PALM2AKAP2: variants seen among roughly 807,000 people sequenced by gnomAD.
PALM2AKAP2 encodes the protein PALM2 and AKAP2 fusion.
PALM2AKAP2 carries 37 observed loss-of-function variants against 71.5 expected under a neutral mutation model. The ratio of observed to expected loss-of-function variants is 0.52; its 90% confidence interval spans 0.40 to 0.68. The LOEUF is 0.68. Among genes scored for constraint, PALM2AKAP2 ranks in the 30% least tolerant of loss-of-function variants. The pLI, the probability that PALM2AKAP2 is intolerant of heterozygous loss-of-function variation, is 0.00. For synonymous variants in PALM2AKAP2, 468 were observed against 478.8 expected (o/e 0.98, Z 0.29); for missense variants, 1,224 against 1,191.8 (o/e 1.03, Z -0.40).
chr9:110,172,086 C>G (rs1229736229), exon 4 of PALM2AKAP2: 1 of 152,502 alleles, frequency 6.6e-6, no homozygotes, highest in Admixed American at 6.5e-5. Flanking sequence ...ACAAGGAACA[C>G]TAAAACAGTG....
intron 1 of PALM2AKAP2, among the ~76,000 whole-genome samples, chr9:109,686,653 T>C (rs1827809315): frequency 6.6e-6 from 1 of 152,152 alleles, no homozygotes; most frequent in African/African-American, 2.4e-5. Context: ...TTTACTTTTA[T>C]TTTTTAGAGC....
chr9:109,999,701 C>T lies in PALM2AKAP2; in HGVS notation c.497-16253C>T, dbSNP rs148224438. 1.8e-3 allele frequency among the ~76,000 whole-genome samples: 279 copies of T among 152,352 alleles called. 1 individual carries two copies. The highest frequency in any genetic ancestry group is 6.8e-3 in the Middle Eastern group (2 of 294). On this transcript the variant is annotated intron_variant, in intron 6 of 9. Transcript: ENST00000302798. ...GGAGAACGGCCCGCTGAAGCAGCATCGACCAGGAAGCACCATGAGACACAT... is the reference window on the plus strand; with the variant it reads ...GGAGAACGGCCCGCTGAAGCAGCATTGACCAGGAAGCACCATGAGACACAT...
chr9:110,129,367 T>G (rs1034096148), intron 1 of PALM2AKAP2, among the ~76,000 whole-genome samples: 2 of 152,232 alleles, frequency 1.3e-5, no homozygotes, highest in Admixed American at 1.3e-4. Context: ...TCTTACCATT[T>G]CCCATGTCAT....
intron 1 of PALM2AKAP2, among the ~76,000 whole-genome samples, chr9:110,084,299 T>G (rs1834511217): frequency 6.6e-6 from 1 of 152,204 alleles, no homozygotes; most frequent in African/African-American, 2.4e-5. Flanking sequence ...AATACTGATC[T>G]TCAAAAGTTT....
intron 7 of PALM2AKAP2, among the ~76,000 whole-genome samples, chr9:110,020,085 A>G (rs1056084968): frequency 6.6e-6 from 1 of 152,208 alleles, no homozygotes; most frequent in African/African-American, 2.4e-5. Context: ...TCCTTGCAAT[A>G]TCAGCTATTC....
At chr9:109,834,913 A>T (rs1398625426) in intron 1 of PALM2AKAP2, among the ~76,000 whole-genome samples, 1 of 152,030 alleles carries the variant, frequency 6.6e-6, no homozygotes, top group Non-Finnish European at 1.5e-5. Flanking sequence ...CCCTTTAATC[A>T]TTTATTTTAG....
chr9:109,691,851 TATATATATATATATATAC>T (rs1230895391), intron 1 of PALM2AKAP2, among the ~76,000 whole-genome samples: 4 of 36,122 alleles, frequency 1.1e-4, no homozygotes, highest in Non-Finnish European at 1.6e-4. Context: ...TATATATATA[TATATATATATATATATAC>T]ACACACACAC....
intron 7 of PALM2AKAP2, among the ~76,000 whole-genome samples, chr9:110,040,216 G>A (rs1432091886): frequency 6.6e-6 from 1 of 152,226 alleles, no homozygotes; most frequent in Non-Finnish European, 1.5e-5. Context: ...CAATCCAACA[G>A]AGGCTTTTAA....
intron 7 of PALM2AKAP2, among the ~76,000 whole-genome samples, chr9:110,036,765 G>A (rs899605008): frequency 6.6e-6 from 1 of 152,052 alleles, no homozygotes; most frequent in Non-Finnish European, 1.5e-5. Flanking sequence ...TCCTTTCTCA[G>A]CTCTGAAGTC....
rs147757788 is a variant in PALM2AKAP2, at chr9:109,824,481, A to G, written c.46-43010A>G. On this transcript the variant is annotated intron_variant, in intron 1 of 9. Transcript: ENST00000302798. The stretch of plus-strand genomic sequence containing the variant: ...ATTTCTTCTTTCCAAAGTCTTGGCT[A>G]TCATTTGAGGAGCTGAGACAATAGG... Among the ~76,000 whole-genome samples the G allele has an allele frequency of 2.9e-4, 44 of 152,316 alleles. 1 individual carries two copies. The East Asian group carries it at 7.3e-3, about 25-fold the overall frequency.
intron 3 of PALM2AKAP2, among the ~76,000 whole-genome samples, chr9:109,922,903 C>T (rs934975674): frequency 2.6e-4 from 39 of 152,152 alleles, no homozygotes; most frequent in African/African-American, 8.4e-4. Context: ...CTGATCTCAT[C>T]GGTAAAATGG....
intron 1 of PALM2AKAP2, among the ~76,000 whole-genome samples, chr9:109,853,563 C>T (rs1199577350): frequency 6.6e-6 from 1 of 152,178 alleles, no homozygotes; most frequent in Non-Finnish European, 1.5e-5. Context: ...ACTTAAGTCT[C>T]TCTCTTTTTT....
chr9:109,805,572 C>G (rs1827550015), intron 1 of PALM2AKAP2, among the ~76,000 whole-genome samples: 1 of 152,114 alleles, frequency 6.6e-6, no homozygotes, highest in Non-Finnish European at 1.5e-5. Flanking sequence ...AAGTCCAAAA[C>G]CTGTGGCTAT....
intron 6 of PALM2AKAP2, among the ~76,000 whole-genome samples, chr9:109,940,177 A>C (rs1049678494): frequency 2.6e-5 from 4 of 152,192 alleles, no homozygotes; most frequent in Admixed American, 2.6e-4. Context: ...AGGTGCTGAC[A>C]GGGAGGGGGC....
At chr9:109,918,157 CTGATT>C (rs1339174581) in intron 3 of PALM2AKAP2, among the ~76,000 whole-genome samples, 1 of 152,190 alleles carries the variant, frequency 6.6e-6, no homozygotes, top group African/African-American at 2.4e-5. Flanking sequence ...GACACTGTGT[CTGATT>C]TATTTCTCCA....
chr9:109,735,091 G>A (rs1200869032), intron 1 of PALM2AKAP2, among the ~76,000 whole-genome samples: 1 of 151,500 alleles, frequency 6.6e-6, no homozygotes, highest in African/African-American at 2.4e-5. Flanking sequence ...CAAGGCAAAT[G>A]ATATCCTTAA....
Position 110,092,807 on chromosome 9 carries a change from T to C in PALM2AKAP2, c.157-43320T>C, listed in dbSNP as rs900098699. On this transcript the variant is annotated intron_variant, in intron 1 of 3. Coordinates refer to ENST00000374525, the Ensembl canonical transcript of PALM2AKAP2. ...TATTCTCTAGTAGACTCTTGCTTGCTGTATCAAGGTGACTGACAGCAGCTT... is the reference window on the plus strand; with the variant it reads ...TATTCTCTAGTAGACTCTTGCTTGCCGTATCAAGGTGACTGACAGCAGCTT... Among the ~76,000 whole-genome samples the C allele has an allele frequency of 9.2e-5, 14 of 152,226 alleles. No individual in the cohort carries two copies. In the East Asian group the frequency reaches 1.2e-3, roughly 13 times the overall value.
intron 6 of PALM2AKAP2, among the ~76,000 whole-genome samples, chr9:110,006,820 T>A (rs543430838): frequency 1.5e-4 from 23 of 152,304 alleles, no homozygotes; most frequent in East Asian, 3.9e-4. Context: ...CCCTACCTAT[T>A]CCTGTCGTTG....
In PALM2AKAP2 at chr9:109,994,222, A is replaced by G. The variant is rs1014546573; in HGVS notation, c.497-21732A>G. On this transcript the variant is annotated intron_variant, in intron 6 of 9. Coordinates refer to the PALM2AKAP2 transcript ENST00000302798. ...AGTTGTGAGTGCTTTAAAAATTTGC[A>G]TGTGTGTCCAGGACAGAGATAGATG... Among the ~76,000 whole-genome samples, 5 of 152,204 alleles carry G rather than the reference A, an allele frequency of 3.3e-5. No individual in the cohort carries two copies. In the South Asian group the frequency reaches 1.0e-3, roughly 31 times the overall value.
Sources: allele counts gnomAD v4.1 joint callset (sites outside exome capture counted in the v4.1 genomes callset), GRCh38; gene constraint gnomAD v4.1.1; transcripts MANE v1.5; gene names NCBI Gene and HGNC (gene_info 2026-07-23, HGNC 2026-07-21).